The following USP7 variants were observed in gnomAD, a reference collection of about 807,000 sequenced individuals.
USP7 encodes the protein ubiquitin specific peptidase 7, also known as ubiquitin C-terminal hydrolase 7.
A neutral mutation model predicts 162.9 loss-of-function variants in USP7; 9 were observed. The observed-to-expected ratio is 0.06, with a 90% CI of 0.03 to 0.10. USP7 has a LOEUF of 0.10. Ranked by LOEUF, USP7 falls within the 10% of genes least tolerant of loss-of-function variation. The probability of loss-of-function intolerance (pLI) is 1.00; values close to 1 mark genes in which losing one functional copy is unlikely to be tolerated. For missense variants in USP7, 715 were observed against 1,373.7 expected, an observed-to-expected ratio of 0.52 and a Z score of 7.58; for synonymous variants, 562 against 475.9, an observed-to-expected ratio of 1.18 and a Z score of -2.35.
At position 8,944,956 on chromosome 16, in the gene USP7, A is replaced by C. The variant is rs1899211993; in HGVS notation, c.80-14559T>G. 2.0e-5 allele frequency among the ~76,000 whole-genome samples: 3 copies of C among 152,168 alleles called. No individual in the cohort carries two copies. The South Asian group carries it at 6.2e-4, about 32-fold the overall frequency. On this transcript the variant is annotated intron_variant, in intron 1 of 30. Coordinates refer to ENST00000344836, the MANE Select transcript of USP7 (RefSeq NM_003470.3). ...AACCTCGCCTCTACTAAAAATACAA[A>C]AATTAGCTGGGTGGACCGGGCGCAG... is the stretch of plus-strand genomic sequence containing the variant.
At chr16:8,949,594 CCCA>C (rs1464012413) in intron 1 of USP7, 3 of 152,470 alleles carry the variant, frequency 2.0e-5, no homozygotes, top group African/African-American at 7.2e-5. Context: ...TACTTTAAGG[CCCA>C]CCACAACACC....
intron 15 of USP7, among the ~76,000 whole-genome samples, chr16:8,903,833 C>G (rs1470224894): frequency 6.7e-6 from 1 of 148,706 alleles, no homozygotes; most frequent in African/African-American, 2.5e-5. Flanking sequence ...CGCCACTGCA[C>G]TCAAGCCTGG....
intron 1 of USP7, among the ~76,000 whole-genome samples, chr16:8,955,009 C>T (rs1056110464): frequency 6.6e-6 from 1 of 152,186 alleles, no homozygotes; most frequent in Non-Finnish European, 1.5e-5. Flanking sequence ...CTGTTTCACA[C>T]AACATTCTGC....
At chr16:8,922,655 G>C (rs931185281) in intron 3 of USP7, among the ~76,000 whole-genome samples, 2 of 152,216 alleles carry the variant, frequency 1.3e-5, no homozygotes, top group Non-Finnish European at 2.9e-5. Flanking sequence ...TGACAAAGTG[G>C]TCCGTACTCC....
At chr16:8,904,137 T>C (rs867251041) in intron 15 of USP7, among the ~76,000 whole-genome samples, 71 of 152,340 alleles carry the variant, frequency 4.7e-4, no homozygotes, top group African/African-American at 1.7e-3. Context: ...CTCAGGCAGC[T>C]GCCCAGGGCA....
At chr16:8,925,816 T>C (rs1293797297) in intron 2 of USP7, among the ~76,000 whole-genome samples, 5 of 152,168 alleles carry the variant, frequency 3.3e-5, no homozygotes, top group Non-Finnish European at 7.3e-5. Context: ...GTATTAAAAT[T>C]TCACCTCACT....
intron 1 of USP7, among the ~76,000 whole-genome samples, chr16:8,960,489 A>G (rs564624824): frequency 6.6e-6 from 1 of 152,352 alleles, no homozygotes; most frequent in South Asian, 2.1e-4. Flanking sequence ...TGATAGAGAC[A>G]AAACAAACGA....
At chr16:8,931,369 G>C (rs1291903773) in intron 1 of USP7, among the ~76,000 whole-genome samples, 2 of 152,106 alleles carry the variant, frequency 1.3e-5, no homozygotes, top group African/African-American at 4.8e-5. Flanking sequence ...TGTATTTTTA[G>C]TAGAGATGTG....
intron 1 of USP7, among the ~76,000 whole-genome samples, chr16:8,937,803 A>G (rs1898834323): frequency 6.6e-6 from 1 of 152,224 alleles, no homozygotes; most frequent in Admixed American, 6.5e-5. Context: ...GATGAAACAC[A>G]AAACACTTCC....
At position 8,906,292 on chromosome 16, in the gene USP7, T is replaced by C. The variant is rs2061858844; in HGVS notation, c.1428+134A>G. The C allele has an allele frequency of 3.0e-6, 3 of 991,894 alleles. No individual in the cohort carries two copies. The East Asian group carries it at 7.5e-5, about 25-fold the overall frequency. The allele number at this position is 991,894 out of a possible 1,614,324, so 61.4% of individuals were successfully genotyped here. ...CAATTAAATGGATGGGAAAACAGCA[T>C]TTAGCAGCCAGAGAATACATAGATC... On this transcript the variant is annotated intron_variant, in intron 13 of 30. Coordinates refer to ENST00000344836, the MANE Select transcript of USP7 (RefSeq NM_003470.3).
chr16:8,947,317 T>C (rs1899330508), intron 1 of USP7, among the ~76,000 whole-genome samples: 1 of 150,826 alleles, frequency 6.6e-6, no homozygotes, highest in Non-Finnish European at 1.5e-5. Context: ...AACATTACCA[T>C]GTGCTGGTTT....
intron 2 of USP7, chr16:8,929,535 G>A (rs2141228346): frequency 4.4e-6 from 2 of 455,926 alleles, no homozygotes; most frequent in Non-Finnish European, 8.8e-6. Context: ...CAACTGCCCC[G>A]TTACTCCCCT....
At chr16:8,956,374 A>AT (rs1899800140) in intron 1 of USP7, 1 of 152,250 alleles carries the variant, frequency 6.6e-6, no homozygotes, top group Non-Finnish European at 1.5e-5. Context: ...CTCCTGGCAG[A>AT]TAACATGGGC....
At chr16:8,936,148 T>G (rs373992565) in intron 1 of USP7, among the ~76,000 whole-genome samples, 22 of 152,152 alleles carry the variant, frequency 1.4e-4, no homozygotes, top group African/African-American at 4.6e-4. Context: ...AAGACCCAGC[T>G]CGGCCTCTGA....
At chr16:8,946,474 A>C (rs1256054754) in intron 1 of USP7, among the ~76,000 whole-genome samples, 1 of 152,232 alleles carries the variant, frequency 6.6e-6, no homozygotes, top group Non-Finnish European at 1.5e-5. Flanking sequence ...CTCCAGAAAG[A>C]AGCTGTTAAG....
rs59823804 is a variant in USP7 at position 8,953,359 on chromosome 16, G to A, written c.79+9848C>T. Among the ~76,000 whole-genome samples the A allele has an allele frequency of 2.7e-3, 416 of 152,232 alleles. 5 individuals are homozygous for A. Among genetic ancestry groups the A allele is most frequent in the African/African-American group, 9.5e-3 (394 of 41,526 alleles). The stretch of plus-strand genomic sequence containing the variant: ...CCAGACCCGTTCCTGCCAGTCAGCA[G>A]ATGTTTGATGAATGAAAGCCTACAC... On this transcript the variant is annotated intron_variant, in intron 1 of 30. Transcript: ENST00000344836.
At chr16:8,911,815 A>T (rs1051956572) in intron 10 of USP7, among the ~76,000 whole-genome samples, 1 of 152,184 alleles carries the variant, frequency 6.6e-6, no homozygotes, top group Admixed American at 6.5e-5. Context: ...AGTGAACTCG[A>T]GGAAATTACC....
At chr16:8,945,265 T>A (rs192573730) in intron 1 of USP7, among the ~76,000 whole-genome samples, 119 of 151,796 alleles carry the variant, frequency 7.8e-4, no homozygotes, top group Middle Eastern at 3.4e-3. Context: ...ACACCTGTAA[T>A]CCCAGCTACT....
At chr16:8,924,980 G>C (rs541540455) in intron 2 of USP7, among the ~76,000 whole-genome samples, 3 of 152,254 alleles carry the variant, frequency 2.0e-5, no homozygotes, top group Admixed American at 2.0e-4. Flanking sequence ...ATCCTTTTGA[G>C]GATAGAAGTC....
Sources: allele counts gnomAD v4.1 joint callset (sites outside exome capture counted in the v4.1 genomes callset), GRCh38; gene constraint gnomAD v4.1.1; transcripts MANE v1.5; gene names NCBI Gene and HGNC (gene_info 2026-07-23, HGNC 2026-07-21).